Variants in WRN observed in about 807,000 individuals in gnomAD.
The protein encoded by WRN is bifunctional 3'-5' exonuclease/ATP-dependent helicase WRN.
Under a neutral mutation model 180.7 loss-of-function variants are expected in WRN, and 149 were observed. The observed-to-expected ratio is 0.82, with a 90% CI of 0.72 to 0.94. WRN has a LOEUF of 0.94. Among genes scored for constraint, WRN ranks in the 40% least tolerant of loss-of-function variants. WRN has a pLI of 0.00. For missense variants in WRN, 1,661 were observed against 1,700.1 expected (o/e 0.98, Z 0.40); for synonymous variants, 548 against 568.9 (o/e 0.96, Z 0.52).
intron 33 of WRN, among the ~76,000 whole-genome samples, chr8:31,164,183 A>G (rs1325143405): frequency 2.6e-5 from 4 of 152,200 alleles, no homozygotes; most frequent in African/African-American, 9.6e-5. Context: ...TTAAACTATC[A>G]TTTCTGGATG....
chr8:31,164,933 G>A (rs1345579235), intron 33 of WRN, among the ~76,000 whole-genome samples: 3 of 152,016 alleles, frequency 2.0e-5, no homozygotes, highest in East Asian at 3.8e-4. Flanking sequence ...TATATAAAAC[G>A]CAGGATGAAT....
chr8:31,098,062 A>T (rs1212434182), intron 17 of WRN, among the ~76,000 whole-genome samples: 1 of 152,140 alleles, frequency 6.6e-6, no homozygotes, highest in Non-Finnish European at 1.5e-5. Context: ...TATCTTTTTT[A>T]TTATGTGTTA....
chr8:31,076,918 C>G (rs995797478), intron 8 of WRN, among the ~76,000 whole-genome samples: 1 of 152,106 alleles, frequency 6.6e-6, no homozygotes, highest in Non-Finnish European at 1.5e-5. Context: ...GGAATCAGAC[C>G]TTGTCCTGGC....
rs1274978198 is a variant in WRN, at chr8:31,085,216, T to C, written c.1401T>C (p.Ser467=). The stretch of plus-strand genomic sequence containing the variant: ...ACGATACGTCCTATGTAATTGAGAG[T>C]GATGAAGATTTAGAAATGGAGATGC... ...NENDTSYVIE[S]DEDLEMEMLK... Residue 467 remains serine, a synonymous_variant, in exon 11 of 35, where the codon AGT becomes AGC. Transcript: ENST00000298139. 6.2e-7 allele frequency: 1 copy of C among 1,612,712 alleles called. No individual in the cohort carries two copies. The highest frequency in any genetic ancestry group is 8.5e-7 in the Non-Finnish European group (1 of 1,179,312).
chr8:31,090,393 G>A (rs933387726), intron 13 of WRN, 72 bp from the exon 14 acceptor site: 12 of 1,407,092 alleles, frequency 8.5e-6, no homozygotes, highest in Admixed American at 3.5e-5. Context: ...ATGAAAAATT[G>A]AATGGATTTT....
At position 31,058,379 on chromosome 8, in the gene WRN, T is replaced by A; in HGVS notation, c.-69T>A. ...GACAGTACTACCTCTCAGTTTTCTT[T>A]CAGATATTGTTTTGTATTTACCCAT... On this transcript the variant is annotated 5_prime_UTR_variant, in exon 2 of 35. Coordinates refer to ENST00000298139, the MANE Select transcript of WRN (RefSeq NM_000553.6). 1 of 1,352,564 alleles carries A rather than the reference T, an allele frequency of 7.4e-7. No individual in the cohort carries two copies. Among genetic ancestry groups the A allele is most frequent in the Non-Finnish European group, 1.0e-6 (1 of 956,562 alleles). 83.8% of individuals were successfully genotyped at this position (1,352,564 alleles called of 1,614,324 possible).
intron 34 of WRN, 91 bp downstream of exon 34, chr8:31,167,321 T>G: frequency 1.9e-6 from 2 of 1,056,382 alleles, no homozygotes; most frequent in South Asian, 2.9e-5. Context: ...TGAACTGTTA[T>G]GAATTCTGAT....
chr8:31,126,031 G>T (rs1458447889), intron 23 of WRN, among the ~76,000 whole-genome samples: 2 of 149,496 alleles, frequency 1.3e-5, no homozygotes, highest in African/African-American at 5.0e-5. Context: ...AGAACTGAAA[G>T]GAGAAATAGA....
At chr8:31,045,859 G>C (rs1190149628) in intron 1 of WRN, among the ~76,000 whole-genome samples, 2 of 152,080 alleles carry the variant, frequency 1.3e-5, no homozygotes, top group Non-Finnish European at 2.9e-5. Flanking sequence ...GAAAAATTCT[G>C]ATGACTTTTT....
chr8:31,089,630 G>A (rs1369252364), intron 13 of WRN, among the ~76,000 whole-genome samples: 1 of 151,850 alleles, frequency 6.6e-6, no homozygotes, highest in Non-Finnish European at 1.5e-5. Context: ...TCAATGAATT[G>A]TCATAAACTG....
At chr8:31,086,153 A>C (rs1020262379) in intron 11 of WRN, among the ~76,000 whole-genome samples, 2 of 151,994 alleles carry the variant, frequency 1.3e-5, no homozygotes, top group Non-Finnish European at 2.9e-5. Flanking sequence ...AAAACACAGA[A>C]GTTCCCCATT....
At chr8:31,159,660 C>T (rs1245805079) in intron 33 of WRN, among the ~76,000 whole-genome samples, 4 of 142,320 alleles carry the variant, frequency 2.8e-5, no homozygotes, top group African/African-American at 1.0e-4. Flanking sequence ...AGGTGTTGCG[C>T]CAGGCACTGT....
chr8:31,073,318 T>C (rs1053811899), intron 7 of WRN, among the ~76,000 whole-genome samples: 3 of 152,180 alleles, frequency 2.0e-5, no homozygotes, highest in African/African-American at 7.2e-5. Flanking sequence ...TTGGAAGATA[T>C]ATATTGTGAA....
rs368120966 is a variant in WRN at position 31,085,182 on chromosome 8, A to C, written c.1367A>C (p.Asp456Ala). ...TTTTTAAAGCATTTATCTCCCAATG[A>C]TAATGAAAACGATACGTCCTATGTA... is the stretch of plus-strand genomic sequence containing the variant. ...MEMLKHLSPNDNENDTSYVIE... is the reference protein window; with the variant it reads ...MEMLKHLSPNANENDTSYVIE... Residue 456 changes from aspartate to alanine, a missense_variant, in exon 11 of 35, where the codon GAT becomes GCT. By Grantham distance (126) the Asp-to-Ala change is moderately radical (BLOSUM62 -2). Coordinates refer to ENST00000298139, the MANE Select transcript of WRN (RefSeq NM_000553.6). 1.9e-6 allele frequency: 3 copies of C among 1,613,132 alleles called. No homozygotes were observed. The highest frequency in any genetic ancestry group is 3.3e-5 in the Admixed American group (2 of 60,012).
intron 24 of WRN, among the ~76,000 whole-genome samples, chr8:31,140,003 G>GTTTTTTTTTTTTTTTTTTTTT (rs71539917): frequency 4.8e-5 from 3 of 62,086 alleles, no homozygotes; most frequent in Non-Finnish European, 8.7e-5. Flanking sequence ...ATACTTCTTT[G>GTTTTTTTTTTTTTTTTTTTTT]TTTTTTTTTT....
At chr8:31,143,844 T>C (rs1358351808) in intron 28 of WRN, among the ~76,000 whole-genome samples, 1 of 152,100 alleles carries the variant, frequency 6.6e-6, no homozygotes, top group Non-Finnish European at 1.5e-5. Context: ...GGCATTATGT[T>C]AAATGCTAAG....
chr8:31,142,070 G>A (rs1261779683), intron 26 of WRN, among the ~76,000 whole-genome samples: 2 of 152,048 alleles, frequency 1.3e-5, no homozygotes, highest in Non-Finnish European at 1.5e-5. Flanking sequence ...AGCCACCTGA[G>A]TAGATGGGAC....
Position 31,087,889 on chromosome 8 carries a change from A to C in WRN, c.1545A>C (p.Glu515Asp). 1.2e-6 allele frequency: 2 copies of C among 1,613,646 alleles called. No homozygotes were observed. Among genetic ancestry groups the C allele is most frequent in the Non-Finnish European group, 8.5e-7 (1 of 1,179,762 alleles). ...AAGAAGAAGAAGATGATGAAAATGA[A>C]GCTAATGAAGGGGAAGAAGATGATG... ...TKEEEEDDENEANEGEEDDDK... is the reference protein window; with the variant it reads ...TKEEEEDDENDANEGEEDDDK... The change falls in exon 12 of 35, where the codon GAA becomes GAC. Residue 515 changes from glutamate (E) to aspartate (D), a missense_variant. Physicochemically the swap from Glu to Asp is conservative, Grantham distance 45. Transcript: ENST00000298139.
At chr8:31,124,808 G>A (rs1412134501) in intron 22 of WRN, 100 bp from the exon 23 acceptor site, 1 of 1,298,816 alleles carries the variant, frequency 7.7e-7, no homozygotes. Flanking sequence ...GAAGTCCCAA[G>A]TGAATCAATT....
Sources: gnomAD v4.1 joint callset for allele counts (sites outside exome capture counted in the v4.1 genomes callset) on GRCh38, gnomAD v4.1.1 for gene constraint, MANE v1.5 for transcripts, NCBI Gene and HGNC (gene_info 2026-07-23, HGNC 2026-07-21) for gene names.